The following BRAF variants were observed in gnomAD, a reference collection of about 807,000 sequenced individuals.
The protein encoded by BRAF is serine/threonine-protein kinase B-raf.
A neutral mutation model predicts 104.6 loss-of-function variants in BRAF; 16 were observed. The ratio of observed to expected loss-of-function variants is 0.15; its 90% CI spans 0.10 to 0.23. The LOEUF (loss-of-function observed/expected upper bound fraction) is 0.23. Among genes scored for constraint, BRAF ranks in the 10% least tolerant of loss-of-function variants. BRAF has a pLI of 1.00. For missense variants in BRAF, 541 were observed against 937.3 expected (o/e 0.58, Z 5.52); for synonymous variants, 310 against 341.6 (o/e 0.91, Z 1.02).
intron 2 of BRAF, among the ~76,000 whole-genome samples, chr7:140,841,514 T>C (rs1807966615): frequency 6.6e-6 from 1 of 152,106 alleles, no homozygotes; most frequent in East Asian, 1.9e-4. Context: ...GATGAATGGA[T>C]AAACAAAACA....
chr7:140,812,069 A>G (rs1400840505), intron 3 of BRAF, among the ~76,000 whole-genome samples: 2 of 152,074 alleles, frequency 1.3e-5, no homozygotes, highest in Non-Finnish European at 2.9e-5. Flanking sequence ...TTTCTAAAGA[A>G]GGCATTCTTT....
rs1345689254 is a variant in BRAF, at chr7:140,760,375, T to TGTAC, written c.1815-6146_1815-6143dup. Among the ~76,000 whole-genome samples the TGTAC allele has an allele frequency of 4.7e-5, 7 of 150,410 alleles. No homozygotes were observed. The East Asian group carries it at 1.2e-3, about 25-fold the overall frequency. On this transcript the variant is annotated intron_variant, in intron 14 of 19. Coordinates refer to ENST00000644969, the MANE Select transcript of BRAF (RefSeq NM_001374258.1). ...TTGTAGTGAGCTGAGATCATGCCAT[T>TGTAC]GTACTCCAGCCTGAGGGACAGAGTG...
chr7:140,810,030 TAAG>T (rs1804074313), intron 3 of BRAF, among the ~76,000 whole-genome samples: 2 of 152,084 alleles, frequency 1.3e-5, no homozygotes, highest in Non-Finnish European at 2.9e-5. Context: ...TTGGGAGGTG[TAAG>T]AAGAAGGGGA....
At chr7:140,806,447 G>C (rs1330276241) in intron 5 of BRAF, among the ~76,000 whole-genome samples, 1 of 152,158 alleles carries the variant, frequency 6.6e-6, no homozygotes, top group African/African-American at 2.4e-5. Flanking sequence ...TTTACTGGCA[G>C]GTATCCAACT....
At chr7:140,863,023 A>G (rs1028872225) in intron 1 of BRAF, among the ~76,000 whole-genome samples, 47 of 152,330 alleles carry the variant, frequency 3.1e-4, no homozygotes, top group African/African-American at 1.1e-3. Flanking sequence ...TAAGTTCTCA[A>G]AAAATTTACT....
In BRAF at chr7:140,722,404, G is replaced by C; in HGVS notation, c.*4090C>G. The C allele has an allele frequency of 9.5e-7, 1 of 1,054,016 alleles. No homozygotes were observed. Among genetic ancestry groups the C allele is most frequent in the Non-Finnish European group, 1.1e-6 (1 of 872,280 alleles). 65.3% of individuals were successfully genotyped at this position (1,054,016 alleles called of 1,614,324 possible). On this transcript the variant is annotated 3_prime_UTR_variant, in exon 20 of 20. Coordinates refer to ENST00000644969, the MANE Select transcript of BRAF (RefSeq NM_001374258.1). ...ACAAATCACTGATTTCTGCTAAAAT[G>C]TTAGCTTTTTTATTGCATCATGAAG... is the stretch of plus-strand genomic sequence containing the variant.
chr7:140,808,331 A>T, intron 4 of BRAF: 1 of 533,192 alleles, frequency 1.9e-6, no homozygotes, highest in Non-Finnish European at 3.6e-6. Context: ...AACAGCAGAA[A>T]ATGGATTGTT....
chr7:140,749,456 A>G (rs976612862), intron 16 of BRAF, 38 bp from the exon 16 acceptor site: 24 of 1,607,420 alleles, frequency 1.5e-5, no homozygotes, highest in Admixed American at 8.4e-5. Flanking sequence ...CTTCACTTCA[A>G]TTGAATAAAG....
chr7:140,724,880 C>T lies in BRAF; in HGVS notation c.*1614G>A. The T allele has an allele frequency of 9.6e-7, 1 of 1,038,422 alleles. No homozygotes were observed. Among genetic ancestry groups the T allele is most frequent in the Non-Finnish European group, 1.2e-6 (1 of 862,238 alleles). 64.3% of individuals were successfully genotyped at this position (1,038,422 alleles called of 1,614,324 possible). A position where few individuals can be genotyped will look rare whatever the true frequency, so the allele number is the denominator to read the frequency against. On this transcript the variant is annotated 3_prime_UTR_variant, in exon 20 of 20. Transcript: ENST00000644969. The stretch of plus-strand genomic sequence containing the variant: ...GCCATTAATACATCCGCTTTCTTTG[C>T]TATGACTGTGATTGATATTACCCTT...
At chr7:140,743,749 T>A (rs1797123921) in intron 17 of BRAF, among the ~76,000 whole-genome samples, 1 of 151,840 alleles carries the variant, frequency 6.6e-6, no homozygotes, top group African/African-American at 2.4e-5. Flanking sequence ...TTTACCCATA[T>A]GTAACCTAAC....
rs1359726487 is a variant in BRAF at position 140,753,197 on chromosome 7, C to T, written c.1980+78G>A. 27 of 1,028,108 alleles carry T rather than the reference C, an allele frequency of 2.6e-5. No individual in the cohort carries two copies. In the East Asian group the frequency reaches 3.6e-4, roughly 14 times the overall value. The allele number at this position is 1,028,108 out of a possible 1,614,324, so 63.7% of individuals were successfully genotyped here. Reference sequence around the variant, plus strand: ...ACTATGAAAATACTATAGTTGAGACCTTCAATGACTTTCTAGTAACTCAGC... The same window carrying T: ...ACTATGAAAATACTATAGTTGAGACTTTCAATGACTTTCTAGTAACTCAGC... On this transcript the variant is annotated intron_variant, in intron 16 of 19. Coordinates refer to ENST00000644969, the MANE Select transcript of BRAF (RefSeq NM_001374258.1).
intron 2 of BRAF, among the ~76,000 whole-genome samples, chr7:140,839,267 G>C (rs909844513): frequency 6.6e-6 from 1 of 151,990 alleles, no homozygotes; most frequent in Non-Finnish European, 1.5e-5. Context: ...TCGAGGCCAG[G>C]AGTTCAAGAC....
intron 8 of BRAF, 97 bp from the exon 9 acceptor site, chr7:140,787,681 T>A: frequency 9.7e-7 from 1 of 1,026,820 alleles, no homozygotes. Flanking sequence ...AAGAATTATT[T>A]TATTAATTAA....
At position 140,725,064 on chromosome 7, in the gene BRAF, C is replaced by A; in HGVS notation, c.*1430G>T. On this transcript the variant is annotated 3_prime_UTR_variant, in exon 20 of 20. Coordinates refer to ENST00000644969, the MANE Select transcript of BRAF (RefSeq NM_001374258.1). ...CTAATATCCCTAAAATTGCTCTATT[C>A]TCTGTCTGGGAATTCAGCTGCCAAA... 9.6e-7 allele frequency: 1 copy of A among 1,046,340 alleles called. No individual in the cohort carries two copies. The allele number at this position is 1,046,340 out of a possible 1,614,324, so 64.8% of individuals were successfully genotyped here.
At chr7:140,778,878 C>A (rs1434260927) in intron 12 of BRAF, among the ~76,000 whole-genome samples, 2 of 152,076 alleles carry the variant, frequency 1.3e-5, no homozygotes, top group African/African-American at 4.8e-5. Flanking sequence ...ACAATTCTGT[C>A]CTAGGTATAT....
In BRAF at chr7:140,749,433, A is replaced by G. The variant is rs775514667; in HGVS notation, c.1981-15T>C. 1.2e-6 allele frequency: 2 copies of G among 1,612,052 alleles called. No homozygotes were observed. The highest frequency in any genetic ancestry group is 2.2e-5 in the South Asian group (2 of 91,020). On this transcript the variant is annotated splice_polypyrimidine_tract_variant and intron_variant, in intron 16 of 19. Coordinates refer to ENST00000644969, the MANE Select transcript of BRAF (RefSeq NM_001374258.1). ...ACTTCTGGTGCCTGTTAGAACATACAAAGAAAAATATTCTTCACTTCAATT... is the reference window on the plus strand; with the variant it reads ...ACTTCTGGTGCCTGTTAGAACATACGAAGAAAAATATTCTTCACTTCAATT...
chr7:140,777,170 C>T (rs931698468), intron 13 of BRAF, 82 bp from the exon 13 acceptor site: 44 of 1,422,778 alleles, frequency 3.1e-5, no homozygotes, highest in Middle Eastern at 1.9e-4. Flanking sequence ...AGTAGTCTGT[C>T]GGTAAAATGT....
At chr7:140,849,258 A>G (rs1161767148) in intron 2 of BRAF, among the ~76,000 whole-genome samples, 4 of 152,216 alleles carry the variant, frequency 2.6e-5, no homozygotes, top group Non-Finnish European at 5.9e-5. Flanking sequence ...ATCTGTGATT[A>G]TAACAGCACC....
At chr7:140,878,856 A>G (rs1270763814) in intron 1 of BRAF, among the ~76,000 whole-genome samples, 6 of 152,054 alleles carry the variant, frequency 3.9e-5, no homozygotes, top group Admixed American at 3.3e-4. Flanking sequence ...CCCCAGAAAT[A>G]TATATAATCA....
Sources: gnomAD v4.1 joint callset for allele counts (sites outside exome capture counted in the v4.1 genomes callset) on GRCh38, gnomAD v4.1.1 for gene constraint, MANE v1.5 for transcripts, NCBI Gene and HGNC (gene_info 2026-07-23, HGNC 2026-07-21) for gene names.